Variants in OARD1 observed in about 807,000 individuals in gnomAD.
The protein encoded by OARD1 is ADP-ribose glycohydrolase OARD1.
A neutral mutation model predicts 19.7 loss-of-function variants in OARD1; 19 were observed. The ratio of observed to expected loss-of-function variants is 0.96; its 90% confidence interval spans 0.67 to 1.41. The LOEUF is 1.41. OARD1 is among the 40% of genes most tolerant of loss of function. The pLI is 0.00. For synonymous variants in OARD1, 70 were observed against 61.8 expected (o/e 1.13, Z -0.62); for missense variants, 190 against 183.8 (o/e 1.03, Z -0.20).
intron 1 of OARD1, among the ~76,000 whole-genome samples, chr6:41,094,797 G>A (rs1764302238): frequency 6.6e-6 from 1 of 152,162 alleles, no homozygotes; most frequent in Non-Finnish European, 1.5e-5. Context: ...AAACTAGCCA[G>A]GCCTGGTGAT....
At chr6:41,069,789 G>A in intron 4 of OARD1, 1 of 416,882 alleles carries the variant, frequency 2.4e-6, no homozygotes, top group Non-Finnish European at 4.3e-6. Context: ...ATATAGTATG[G>A]CAGGCATTCC....
At position 41,092,356 on chromosome 6, in the gene OARD1, G is replaced by A. The variant is rs774521535; in HGVS notation, c.-42+5357C>T. ...AGCCTGGGCAATGTAGAGAGACCTC[G>A]TTTCTACGAATTGAATGAAAAATAA... On this transcript the variant is annotated intron_variant, in intron 1 of 4. Transcript: ENST00000480585. 3.3e-5 allele frequency among the ~76,000 whole-genome samples: 5 copies of A among 152,128 alleles called. No individual in the cohort carries two copies. In the East Asian group the frequency reaches 5.8e-4, roughly 18 times the overall value.
rs961907120 is a variant in OARD1 at position 41,071,760 on chromosome 6, C to CT, written c.-41-86dup. On this transcript the variant is annotated intron_variant, in intron 1 of 5. Transcript: ENST00000424266. The stretch of plus-strand genomic sequence containing the variant: ...TTGCCCTGTACAACCACTTAATAGG[C>CT]TTTTTTCCCCAACGTTTATCGATGA... The CT allele has an allele frequency of 4.6e-5, 34 of 737,400 alleles. No homozygotes were observed. The African/African-American group carries it at 5.6e-4, about 12-fold the overall frequency. The allele number at this position is 737,400 out of a possible 1,614,324, so 45.7% of individuals were successfully genotyped here.
At chr6:41,072,959 CG>C (rs1763551508), upstream of OARD1, 1 of 154,758 alleles carries the variant, frequency 6.5e-6, no homozygotes, top group African/African-American at 2.4e-5. Context: ...CCCCTTTGTT[CG>C]GGTTCGCCAT....
Position 41,071,172 on chromosome 6 carries a change from A to G in OARD1, c.144T>C (p.Phe48=). The G allele has an allele frequency of 6.2e-7, 1 of 1,614,232 alleles. No individual in the cohort carries two copies. The highest frequency in any genetic ancestry group is 1.3e-5 in the African/African-American group (1 of 75,060). ...CRMGAGIAVL[F]KKKFGGVQEL... ...CTTGCACCCCTCCAAATTTCTTCTTAAAGAGGACAGCTATCCCAGCGCCCA... is the reference window on the plus strand; with the variant it reads ...CTTGCACCCCTCCAAATTTCTTCTTGAAGAGGACAGCTATCCCAGCGCCCA... The change falls in exon 3 of 6, where the codon TTT becomes TTC. Residue 48 remains phenylalanine (F), a synonymous_variant. Coordinates refer to ENST00000424266, the MANE Select transcript of OARD1 (RefSeq NM_001329686.2).
intron 1 of OARD1, among the ~76,000 whole-genome samples, chr6:41,089,338 A>G (rs764595758): frequency 6.6e-6 from 1 of 152,242 alleles, no homozygotes; most frequent in Non-Finnish European, 1.5e-5. Flanking sequence ...TACCACTGCT[A>G]TCTTTCATAA....
intron 1 of OARD1, among the ~76,000 whole-genome samples, chr6:41,078,021 A>G (rs546522146): frequency 6.6e-6 from 1 of 152,294 alleles, no homozygotes; most frequent in South Asian, 2.1e-4. Context: ...TATTCTAGAA[A>G]TAAGAATTTT....
chr6:41,079,182 C>G, intron 1 of OARD1: 1 of 1,612,570 alleles, frequency 6.2e-7, no homozygotes, highest in East Asian at 2.2e-5. Flanking sequence ...AGCAAAACTG[C>G]TTTAAACATT....
In OARD1 at chr6:41,065,010, TA is replaced by T. The variant is rs1254967369; in HGVS notation, c.*2324del. 4 of 151,864 alleles carry T rather than the reference TA, an allele frequency of 2.6e-5. No individual in the cohort carries two copies. The highest frequency in any genetic ancestry group is 9.7e-5 in the African/African-American group (4 of 41,298). The allele number at this position is 151,864 out of a possible 1,614,324, so 9.4% of individuals were successfully genotyped here. Reference sequence around the variant, plus strand: ...CAAACTCTAACTAGGTTTCCAGGAATAATGTGTTCACTCTGATTACCAGGGC... The same window carrying T: ...CAAACTCTAACTAGGTTTCCAGGAATATGTGTTCACTCTGATTACCAGGGC... On this transcript the variant is annotated 3_prime_UTR_variant, in exon 6 of 6. Coordinates refer to ENST00000424266, the MANE Select transcript of OARD1 (RefSeq NM_001329686.2).
chr6:41,081,384 G>GT (rs748105509), intron 1 of OARD1, among the ~76,000 whole-genome samples: 1 of 152,056 alleles, frequency 6.6e-6, no homozygotes, highest in Non-Finnish European at 1.5e-5. Context: ...CAGCTACTTG[G>GT]GAGGCTGGAG....
At chr6:41,078,710 G>GA (rs1763812325) in intron 1 of OARD1, among the ~76,000 whole-genome samples, 1 of 152,160 alleles carries the variant, frequency 6.6e-6, no homozygotes, top group African/African-American at 2.4e-5. Flanking sequence ...GTGCAAACCT[G>GA]AAAATCAGTG....
At chr6:41,088,856 T>C (rs1764118456) in intron 1 of OARD1, among the ~76,000 whole-genome samples, 1 of 152,144 alleles carries the variant, frequency 6.6e-6, no homozygotes, top group African/African-American at 2.4e-5. Flanking sequence ...GCTGGGATTA[T>C]GGGCATAAGC....
At position 41,064,831 on chromosome 6, in the gene OARD1, T is replaced by TA. The variant is rs1762943393; in HGVS notation, c.*2503dup. 1 of 152,202 alleles carries TA rather than the reference T, an allele frequency of 6.6e-6. No homozygotes were observed. Among genetic ancestry groups the TA allele is most frequent in the Non-Finnish European group, 1.5e-5 (1 of 68,044 alleles). 9.4% of individuals were successfully genotyped at this position (152,202 alleles called of 1,614,324 possible). On this transcript the variant is annotated 3_prime_UTR_variant, in exon 6 of 6. Coordinates refer to ENST00000424266, the MANE Select transcript of OARD1 (RefSeq NM_001329686.2). ...GAGGAGCGGGTGAAAAGTAGTAGTTTAATGTTCAGATATACAATCATTTAA... is the reference window on the plus strand; with the variant it reads ...GAGGAGCGGGTGAAAAGTAGTAGTTTAAATGTTCAGATATACAATCATTTAA...
At chr6:41,095,201 T>G (rs1466604789) in intron 1 of OARD1, among the ~76,000 whole-genome samples, 1 of 152,196 alleles carries the variant, frequency 6.6e-6, no homozygotes, top group East Asian at 1.9e-4. Flanking sequence ...TAGACTGACA[T>G]CCAAAGTGCT....
At chr6:41,089,476 T>C in intron 1 of OARD1, 1 of 1,316,126 alleles carries the variant, frequency 7.6e-7, no homozygotes, top group Non-Finnish European at 1.0e-6. Context: ...TTTTTCCTCT[T>C]CAGAACATTT....
chr6:41,089,372 T>C (rs1764137279), intron 1 of OARD1, among the ~76,000 whole-genome samples: 1 of 152,222 alleles, frequency 6.6e-6, no homozygotes, highest in Non-Finnish European at 1.5e-5. Flanking sequence ...TTTGTTAATA[T>C]CAGGTATCCA....
intron 3 of OARD1, 76 bp from the exon 4 acceptor site, chr6:41,070,210 C>G: frequency 1.2e-6 from 1 of 844,058 alleles, no homozygotes; most frequent in Non-Finnish European, 2.0e-6. Flanking sequence ...AAAATGTTTA[C>G]AGATCTGAGT....
rs1286235688 is a variant in OARD1 at position 41,064,834 on chromosome 6, T to A, written c.*2501A>T. ...GAGCGGGTGAAAAGTAGTAGTTTAA[T>A]GTTCAGATATACAATCATTTAAAAG... On this transcript the variant is annotated 3_prime_UTR_variant, in exon 6 of 6. Coordinates refer to ENST00000424266, the MANE Select transcript of OARD1 (RefSeq NM_001329686.2). The A allele has an allele frequency of 6.6e-6, 1 of 152,144 alleles. No individual in the cohort carries two copies. The highest frequency in any genetic ancestry group is 1.9e-4 in the East Asian group (1 of 5,200). 9.4% of individuals were successfully genotyped at this position (152,144 alleles called of 1,614,324 possible).
At chr6:41,096,603 G>A (rs963680919) in intron 1 of OARD1, among the ~76,000 whole-genome samples, 8 of 152,230 alleles carry the variant, frequency 5.3e-5, no homozygotes, top group Non-Finnish European at 1.2e-4. Flanking sequence ...CCCAGTTCCA[G>A]TCTTCCATCT....
Sources: allele counts gnomAD v4.1 joint callset (sites outside exome capture counted in the v4.1 genomes callset), GRCh38; gene constraint gnomAD v4.1.1; transcripts MANE v1.5; gene names NCBI Gene and HGNC (gene_info 2026-07-23, HGNC 2026-07-21).